Variants in PUDP observed in about 807,000 individuals in gnomAD.
The protein encoded by PUDP is pseudouridine 5'-phosphatase.
In PUDP, 8 loss-of-function variants were observed where a neutral mutation model predicts 9.4. The ratio of observed to expected loss-of-function variants is 0.85; its 90% CI spans 0.50 to 1.53. The LOEUF is 1.53. Ranked by LOEUF, PUDP falls within the 40% of genes most tolerant of loss-of-function variation. The pLI, the probability that PUDP is intolerant of heterozygous loss-of-function variation, is 0.00. For synonymous variants in PUDP, 99 were observed against 80.7 expected (o/e 1.23, Z -1.22); for missense variants, 188 against 189.7 (o/e 0.99, Z 0.05).
At chrX:6,865,219 G>T (rs1927061272) in intron 3 of PUDP, among the ~76,000 whole-genome samples, 1 of 111,904 alleles carries the variant, frequency 8.9e-6, no homozygotes, top group African/African-American at 3.2e-5. Context: ...TAGGGTTAGG[G>T]TTAATCCAGC....
intron 1 of PUDP, among the ~76,000 whole-genome samples, chrX:7,036,988 T>G (rs1157012787): frequency 8.9e-6 from 1 of 112,382 alleles, no homozygotes; most frequent in Non-Finnish European, 1.9e-5. Flanking sequence ...CGTTGTGGTA[T>G]ACAATCTTTC....
At chrX:6,794,618 C>T (rs1307643539) in intron 3 of PUDP, among the ~76,000 whole-genome samples, 2 of 107,712 alleles carry the variant, frequency 1.9e-5, no homozygotes, top group Non-Finnish European at 3.9e-5. Context: ...ACGCCCAGGC[C>T]GGAGTGCAGT....
chrX:6,919,858 C>CAAAAAAAAAAAAAAAAAAA (rs58441346), intron 3 of PUDP, among the ~76,000 whole-genome samples: 3 of 26,491 alleles, frequency 1.1e-4, no homozygotes, highest in Admixed American at 4.3e-4. Context: ...GACTCCATCT[C>CAAAAAAAAAAAAAAAAAAA]AAAAAAAAAA....
At chrX:6,796,929 T>C (rs779493122) in intron 3 of PUDP, among the ~76,000 whole-genome samples, 1 of 112,097 alleles carries the variant, frequency 8.9e-6, no homozygotes, top group Non-Finnish European at 1.9e-5. Context: ...GTAGTCTCTG[T>C]TGAGTACATG....
At position 6,731,707 on chromosome X, in the gene PUDP, A is replaced by C. The variant is rs1326900113; in HGVS notation, c.*248-25241T>G. Among the ~76,000 whole-genome samples the C allele has an allele frequency of 3.0e-5, 3 of 100,122 alleles. No individual in the cohort carries two copies. In the East Asian group the frequency reaches 1.1e-3, roughly 36 times the overall value. The allele number at this position is 100,122 out of a possible 115,157, so 86.9% of individuals were successfully genotyped here. ...AGTAGCAGAAGCTGGAAACGAAGTC[A>C]ATGTCCACCAAAGGAAAGAAGAAAA... On this transcript the variant is annotated intron_variant and NMD_transcript_variant, in intron 3 of 3. Transcript: ENST00000655425.
chrX:6,890,562 A>G (rs1182497634), intron 3 of PUDP, among the ~76,000 whole-genome samples: 3 of 111,101 alleles, frequency 2.7e-5, no homozygotes, highest in South Asian at 7.6e-4. Flanking sequence ...CCTTTTTTAT[A>G]TCAATATAGT....
chrX:6,984,409 G>A (rs1224064791), intron 1 of PUDP, among the ~76,000 whole-genome samples: 1 of 112,021 alleles, frequency 8.9e-6, no homozygotes, highest in Non-Finnish European at 1.9e-5. Context: ...TGGGTGGTAT[G>A]TGAATGATAT....
chrX:6,816,834 A>G (rs1326537826), intron 3 of PUDP, among the ~76,000 whole-genome samples: 2 of 95,756 alleles, frequency 2.1e-5, no homozygotes, highest in Admixed American at 1.3e-4. Flanking sequence ...TATACTATAT[A>G]GTATATACAA....
rs750713038 is a variant in PUDP, at chrX:6,726,739, A to G, written c.*248-20273T>C. On this transcript the variant is annotated intron_variant and NMD_transcript_variant, in intron 3 of 3. Transcript: ENST00000655425. ...TAATGTGTAAGGACACTGAAAACATATTACTCAGGAAGCCTTCCTGGAAAT... is the reference window on the plus strand; with the variant it reads ...TAATGTGTAAGGACACTGAAAACATGTTACTCAGGAAGCCTTCCTGGAAAT... Among the ~76,000 whole-genome samples, 58 of 111,799 alleles carry G rather than the reference A, an allele frequency of 5.2e-4. 1 individual carries two copies. Among genetic ancestry groups the G allele is most frequent in the African/African-American group, 1.8e-3 (57 of 30,812 alleles).
downstream of PUDP, among the ~76,000 whole-genome samples, chrX:7,044,440 T>G (rs949902871): frequency 8.9e-5 from 10 of 112,579 alleles, no homozygotes; most frequent in African/African-American, 3.2e-4. Flanking sequence ...AAACACCTTT[T>G]CTCCTCTAAT....
At chrX:6,838,385 C>T (rs762815134) in intron 3 of PUDP, among the ~76,000 whole-genome samples, 2 of 112,471 alleles carry the variant, frequency 1.8e-5, no homozygotes, top group African/African-American at 3.2e-5. Flanking sequence ...AAAATTGTCA[C>T]GCAGATAGCT....
intron 1 of PUDP, among the ~76,000 whole-genome samples, chrX:7,112,668 G>A (rs1165222575): frequency 8.1e-5 from 9 of 111,773 alleles, no homozygotes; most frequent in South Asian, 3.8e-4. Flanking sequence ...GTGTGTGCAC[G>A]TTTTAAGAGT....
chrX:7,037,094 C>T (rs757674702), intron 1 of PUDP, among the ~76,000 whole-genome samples: 45 of 111,578 alleles, frequency 4.0e-4, no homozygotes, highest in South Asian at 3.1e-3. Flanking sequence ...TTAAGTAGCA[C>T]TGTTCCTCAT....
Position 6,919,931 on chromosome X carries a change from T to C in PUDP, c.*247+57202A>G, listed in dbSNP as rs1384991945. ...GGAAACCAATGGATCGTGCTTGCAT[T>C]GAATAAAACAGGAAACAGGATAGTC... On this transcript the variant is annotated intron_variant and NMD_transcript_variant, in intron 3 of 3. Coordinates refer to the PUDP transcript ENST00000655425. 4.3e-5 allele frequency among the ~76,000 whole-genome samples: 4 copies of C among 93,930 alleles called. No individual in the cohort carries two copies. In the Admixed American group the frequency reaches 4.7e-4, roughly 11 times the overall value. The allele number at this position is 93,930 out of a possible 115,157, so 81.6% of individuals were successfully genotyped here.
At chrX:7,024,583 C>A (rs755938849) in intron 1 of PUDP, among the ~76,000 whole-genome samples, 1 of 83,083 alleles carries the variant, frequency 1.2e-5, no homozygotes, top group Non-Finnish European at 2.1e-5. Flanking sequence ...CATAACCTAG[C>A]CTTCTCTCTT....
chrX:6,750,217 C>G (rs1254795760), intron 3 of PUDP, among the ~76,000 whole-genome samples: 1 of 111,980 alleles, frequency 8.9e-6, no homozygotes, highest in East Asian at 2.8e-4. Context: ...TAAAATCTCA[C>G]AGATTTATAT....
chrX:6,765,835 G>A (rs901212382), intron 3 of PUDP, among the ~76,000 whole-genome samples: 1 of 111,381 alleles, frequency 9.0e-6, no homozygotes, highest in Non-Finnish European at 1.9e-5. Flanking sequence ...GGAAAAGGTA[G>A]CCAAAAAATT....
intron 3 of PUDP, 59 bp from the exon 4 acceptor site, chrX:7,050,531 G>T: frequency 9.5e-7 from 1 of 1,053,839 alleles, no homozygotes; most frequent in Non-Finnish European, 1.3e-6. Context: ...TGTGGATGAA[G>T]TGTTTATTAT....
chrX:6,864,379 T>C (rs1266552236), intron 3 of PUDP, among the ~76,000 whole-genome samples: 1 of 111,920 alleles, frequency 8.9e-6, no homozygotes, highest in African/African-American at 3.2e-5. Context: ...ACTTCAATTG[T>C]TGGGAGAATA....
Sources: gnomAD v4.1 joint callset for allele counts (sites outside exome capture counted in the v4.1 genomes callset) on GRCh38, gnomAD v4.1.1 for gene constraint, MANE v1.5 for transcripts, NCBI Gene and HGNC (gene_info 2026-07-23, HGNC 2026-07-21) for gene names.